TPCN2: variants seen among roughly 807,000 people sequenced by gnomAD.
The protein encoded by TPCN2 is two pore segment channel 2.
In TPCN2, 92 loss-of-function variants were observed where a neutral mutation model predicts 111.4. The observed-to-expected ratio is 0.83, with a 90% CI of 0.70 to 0.98. TPCN2 has a LOEUF of 0.98. Among genes scored for constraint, TPCN2 ranks in the 50% least tolerant of loss-of-function variants. TPCN2 has a pLI of 0.00. For synonymous variants in TPCN2, 405 were observed against 414.5 expected (o/e 0.98, Z 0.28); for missense variants, 995 against 980.1 (o/e 1.02, Z -0.20).
chr11:69,064,324 A>G (rs1392168590), intron 7 of TPCN2, among the ~76,000 whole-genome samples: 3 of 21,268 alleles, frequency 1.4e-4, no homozygotes, highest in African/African-American at 5.3e-4. Flanking sequence ...CTTCCCCGCC[A>G]GGCTATTCAC....
intron 16 of TPCN2, 152 bp from the exon 17 acceptor site, chr11:69,079,682 C>A (rs1358342599): frequency 6.2e-6 from 4 of 642,972 alleles, no homozygotes; most frequent in Non-Finnish European, 1.1e-5. Flanking sequence ...ACATCTGGAA[C>A]CAACCCGTGG....
At chr11:69,078,055 G>C (rs113991797) in intron 13 of TPCN2, among the ~76,000 whole-genome samples, 4 of 152,262 alleles carry the variant, frequency 2.6e-5, no homozygotes, top group African/African-American at 9.6e-5. Flanking sequence ...CTGCCCGCCT[G>C]CCCCTCATTG....
rs562272031 is a variant in TPCN2, at chr11:69,055,283, G to T, written c.360G>T (p.Pro120=). The change falls in exon 4 of 25, where the codon CCG becomes CCT. Residue 120 remains proline, a synonymous_variant. Transcript: ENST00000294309. ...DVRYRAAPWE[P]PCGLTESVEV... ...GCTACCGCGCTGCTCCCTGGGAGCC[G>T]CCCTGCGGCCTGACCGAGAGTGTCG... 21 of 1,613,884 alleles carry T rather than the reference G, an allele frequency of 1.3e-5. No homozygotes were observed. The highest frequency in any genetic ancestry group is 1.8e-5 in the Non-Finnish European group (21 of 1,179,942).
chr11:69,085,671 C>G lies in TPCN2; in HGVS notation c.1839C>G (p.Ser613Arg). The change falls in exon 21 of 25, where the codon AGC becomes AGG. Residue 613 changes from serine to arginine, a missense_variant and splice_region_variant. Physicochemically the swap from Ser to Arg is moderately radical, Grantham distance 110. Coordinates refer to ENST00000294309, the MANE Select transcript of TPCN2 (RefSeq NM_139075.4). ...GACCCAGGTGTGTTGTGTTCCCCAG[C>G]CTGGCCCCTGCCAATGGCTCGGCGC... ...GVIVALPGNSSLAPANGSAPC... is the reference protein window; with the variant it reads ...GVIVALPGNSRLAPANGSAPC... The G allele has an allele frequency of 6.2e-7, 1 of 1,609,122 alleles. No individual in the cohort carries two copies. The highest frequency in any genetic ancestry group is 8.5e-7 in the Non-Finnish European group (1 of 1,175,766).
intron 18 of TPCN2, among the ~76,000 whole-genome samples, chr11:69,082,169 C>T (rs1856040135): frequency 6.6e-6 from 1 of 152,244 alleles, no homozygotes; most frequent in Non-Finnish European, 1.5e-5. Context: ...CCTGAGCCTT[C>T]CTACGGGGCT....
chr11:69,052,190 A>G (rs749158691), intron 1 of TPCN2, among the ~76,000 whole-genome samples: 2 of 152,060 alleles, frequency 1.3e-5, no homozygotes, highest in African/African-American at 4.8e-5. Flanking sequence ...GGCTGGAGTG[A>G]GGCCCGGAAC....
rs1855057051 is a variant in TPCN2 at position 69,062,300 on chromosome 11, A to G, written c.547-584A>G. ...GCTTCCAACACGGGGAGTCAGATTC[A>G]ACGTGAGATTTGGAGGGGACGCACA... On this transcript the variant is annotated intron_variant, in intron 5 of 24. Transcript: ENST00000294309. 6.6e-5 allele frequency among the ~76,000 whole-genome samples: 10 copies of G among 152,238 alleles called. 1 individual carries two copies. In the South Asian group the frequency reaches 2.1e-3, roughly 32 times the overall value.
At chr11:69,056,156 A>T (rs1854755050) in intron 4 of TPCN2, among the ~76,000 whole-genome samples, 1 of 152,180 alleles carries the variant, frequency 6.6e-6, no homozygotes, top group Admixed American at 6.5e-5. Context: ...ATGGTGTTAG[A>T]TCAGGCCCTG....
At chr11:69,073,276 C>T (rs1301511740) in intron 13 of TPCN2, among the ~76,000 whole-genome samples, 1 of 152,270 alleles carries the variant, frequency 6.6e-6, no homozygotes, top group East Asian at 1.9e-4. Flanking sequence ...ACAGACTCTC[C>T]TTTTCCTGTC....
intron 8 of TPCN2, among the ~76,000 whole-genome samples, chr11:69,069,800 C>CT (rs1375364270): frequency 3.3e-5 from 5 of 150,944 alleles, no homozygotes; most frequent in Admixed American, 6.6e-5. Flanking sequence ...GCAGGACCGT[C>CT]TGAGTCCTAG....
At chr11:69,050,363 G>A (rs1359010951) in intron 1 of TPCN2, among the ~76,000 whole-genome samples, 1 of 152,186 alleles carries the variant, frequency 6.6e-6, no homozygotes, top group Non-Finnish European at 1.5e-5. Flanking sequence ...TGTGACCTTG[G>A]CAGGTTGCTT....
In TPCN2 at chr11:69,057,692, GAGGT is replaced by G; in HGVS notation, c.546+3_546+6del. The G allele has an allele frequency of 6.2e-7, 1 of 1,613,982 alleles. No homozygotes were observed. Among genetic ancestry groups the G allele is most frequent in the South Asian group, 1.1e-5 (1 of 91,084 alleles). On this transcript the variant is annotated splice_donor_variant and coding_sequence_variant, in exon 5 of 25. Coordinates refer to ENST00000294309, the MANE Select transcript of TPCN2 (RefSeq NM_139075.4). LOFTEE classifies it high-confidence loss of function. ...CGTGTCCCTGAGTCTCGTGTGTCAT[GAGGT>G]AGGTGGTGAGGCAGCCCTGAGACAG...
At chr11:69,078,061 C>T (rs1855864986) in intron 13 of TPCN2, among the ~76,000 whole-genome samples, 1 of 152,172 alleles carries the variant, frequency 6.6e-6, no homozygotes, top group Non-Finnish European at 1.5e-5. Flanking sequence ...GCCTGCCCCT[C>T]ATTGCCTCCT....
intron 5 of TPCN2, among the ~76,000 whole-genome samples, chr11:69,061,887 C>T (rs1181987326): frequency 6.6e-6 from 1 of 151,920 alleles, no homozygotes; most frequent in East Asian, 1.9e-4. Context: ...GCCCTTCTGT[C>T]CTCACAGAAG....
chr11:69,054,363 C>T (rs750203721), intron 2 of TPCN2: 3 of 571,016 alleles, frequency 5.3e-6, no homozygotes, highest in Non-Finnish European at 9.4e-6. Flanking sequence ...TGGGTGGGGG[C>T]ATCCTGGAGG....
chr11:69,071,234 A>G lies in TPCN2; in HGVS notation c.896-122A>G. 4.1e-6 allele frequency: 3 copies of G among 728,486 alleles called. No individual in the cohort carries two copies. In the South Asian group the frequency reaches 4.6e-5, roughly 11 times the overall value. 45.1% of individuals were successfully genotyped at this position (728,486 alleles called of 1,614,324 possible). A position where few individuals can be genotyped will look rare whatever the true frequency, so the allele number is the denominator to read the frequency against. ...CCTCCCACCTGTGACTGCGCTGGCC[A>G]GGCCATGTTTCCATTTGATAGGGGA... On this transcript the variant is annotated intron_variant, in intron 9 of 24. Coordinates refer to ENST00000294309, the MANE Select transcript of TPCN2 (RefSeq NM_139075.4).
Position 69,083,974 on chromosome 11 carries a change from G to A in TPCN2, c.1719G>A (p.Leu573=). ...KLMAVVASTV[L]GLVQNMRAFG... Reference sequence around the variant, plus strand: ...TGGCCGTGGTGGCCAGTACCGTCCTGGGCCTGGTGCAGAACATGCGTGCGT... The same window carrying A: ...TGGCCGTGGTGGCCAGTACCGTCCTAGGCCTGGTGCAGAACATGCGTGCGT... Residue 573 remains leucine (L), a synonymous_variant, in exon 19 of 25, where the codon CTG becomes CTA. Coordinates refer to ENST00000294309, the MANE Select transcript of TPCN2 (RefSeq NM_139075.4). The A allele has an allele frequency of 3.1e-6, 5 of 1,614,138 alleles. No homozygotes were observed. Among genetic ancestry groups the A allele is most frequent in the Non-Finnish European group, 4.2e-6 (5 of 1,180,004 alleles).
chr11:69,071,824 C>G (rs1855550783), intron 10 of TPCN2, 99 bp from the exon 11 acceptor site: 1 of 1,164,646 alleles, frequency 8.6e-7, no homozygotes, highest in African/African-American at 1.5e-5. Flanking sequence ...CCAAGGCTGC[C>G]CAGACTCCCC....
At chr11:69,057,778 C>T (rs1854839747) in intron 5 of TPCN2, 84 bp downstream of exon 5, 2 of 1,293,630 alleles carry the variant, frequency 1.5e-6, no homozygotes, top group Non-Finnish European at 2.2e-6. Flanking sequence ...TGGGATGGAG[C>T]CCTGAGCCCG....
Sources: allele counts gnomAD v4.1 joint callset (sites outside exome capture counted in the v4.1 genomes callset), GRCh38; gene constraint gnomAD v4.1.1; transcripts MANE v1.5; gene names NCBI Gene and HGNC (gene_info 2026-07-23, HGNC 2026-07-21).